Variants in PCNX2 observed in about 807,000 individuals in gnomAD.
PCNX2 encodes the protein pecanex-like protein 2.
PCNX2 carries 168 observed loss-of-function variants against 223.8 expected under a neutral mutation model. The observed-to-expected ratio is 0.75, with a 90% CI of 0.66 to 0.85. The LOEUF (loss-of-function observed/expected upper bound fraction) is 0.85. Ranked by LOEUF, PCNX2 falls within the 40% of genes least tolerant of loss-of-function variation. PCNX2 has a pLI of 0.00. For synonymous variants in PCNX2, 1,006 were observed against 1,052.6 expected (o/e 0.96, Z 0.86); for missense variants, 2,507 against 2,675.5 (o/e 0.94, Z 1.39).
At chr1:233,176,120 G>A (rs1025157584) in intron 17 of PCNX2, among the ~76,000 whole-genome samples, 1 of 152,120 alleles carries the variant, frequency 6.6e-6, no homozygotes. Flanking sequence ...AGAAAACCAG[G>A]AAAAGTGTGA....
rs1031850013 is a variant in PCNX2, at chr1:232,990,557, C to T, written c.5792-4017G>A. Among the ~76,000 whole-genome samples, 1 of 152,160 alleles carries T rather than the reference C, an allele frequency of 6.6e-6. No homozygotes were observed. Among genetic ancestry groups the T allele is most frequent in the Non-Finnish European group, 1.5e-5 (1 of 68,006 alleles). On this transcript the variant is annotated intron_variant, in intron 32 of 33. Coordinates refer to ENST00000258229, the MANE Select transcript of PCNX2 (RefSeq NM_014801.4). The surrounding 1 kb of genome is among the most constrained non-coding windows in gnomAD (Gnocchi z 4.3). ...CCCAAGGGCTTTGCACCCTCGCCCT[C>T]TAGGGAAGCTGTAGTGTAAGTGGCT... is the stretch of plus-strand genomic sequence containing the variant.
rs759496759 is a variant in PCNX2 at position 232,984,299 on chromosome 1, G to A, written c.*5C>T. ...AGCCAGCCTCCCCGCCCGGCCGCAC[G>A]CCCGTCACTGCTCGTCTGACACACT... On this transcript the variant is annotated 3_prime_UTR_variant, in exon 34 of 34. Coordinates refer to ENST00000258229, the MANE Select transcript of PCNX2 (RefSeq NM_014801.4). The A allele has an allele frequency of 3.1e-5, 49 of 1,594,354 alleles. No individual in the cohort carries two copies. The East Asian group carries it at 7.7e-4, about 25-fold the overall frequency.
intron 23 of PCNX2, among the ~76,000 whole-genome samples, chr1:233,065,067 C>G (rs1266052947): frequency 1.3e-5 from 2 of 152,126 alleles, no homozygotes; most frequent in African/African-American, 2.4e-5. Context: ...CCACAAGGAT[C>G]TTATCATGAC....
chr1:233,229,947 TTCTTGGCCTATTTTC>T (rs1258783348), intron 9 of PCNX2, among the ~76,000 whole-genome samples: 1 of 152,200 alleles, frequency 6.6e-6, no homozygotes, highest in Non-Finnish European at 1.5e-5. Flanking sequence ...ACAACAATTA[TTCTTGGCCTATTTTC>T]TGGTACCAAA....
chr1:233,037,999 T>G (rs1012641487), intron 25 of PCNX2, among the ~76,000 whole-genome samples: 1 of 152,248 alleles, frequency 6.6e-6, no homozygotes, highest in Admixed American at 6.5e-5. Flanking sequence ...AACCTGGTTA[T>G]GCAGATGTAG....
rs189695228 is a variant in PCNX2, at chr1:233,160,373, C to T, written c.3427G>A (p.Val1143Met). 132 of 1,613,190 alleles carry T rather than the reference C, an allele frequency of 8.2e-5. No homozygotes were observed. The African/African-American group carries it at 1.4e-3, about 17-fold the overall frequency. ...TGATGCTTGCGGAGCTGAGGGAGCA[C>T]GTAATGTGTTACAAACCCCACGGCT... Reference protein sequence around the residue: ...AGAVGFVTHYVLPQLRKHHPW... With the variant: ...AGAVGFVTHYMLPQLRKHHPW... The change falls in exon 19 of 34, where the codon GTG (valine) becomes ATG (methionine). Residue 1143 changes from valine (V) to methionine (M), a missense_variant. By Grantham distance (21) the Val-to-Met change is conservative (BLOSUM62 1). This residue lies in a region of PCNX2 where 1,372 missense variants were observed against 1,509.4 expected (regional missense o/e 0.91). Transcript: ENST00000258229.
intron 22 of PCNX2, among the ~76,000 whole-genome samples, chr1:233,090,928 A>G (rs544048500): frequency 3.9e-5 from 6 of 152,332 alleles, no homozygotes; most frequent in Middle Eastern, 3.4e-3. Flanking sequence ...CTTAAGCCCA[A>G]TGGATCCTTG....
At chr1:232,992,732 G>A in intron 32 of PCNX2, among the ~76,000 whole-genome samples, 1 of 152,348 alleles carries the variant, frequency 6.6e-6, no homozygotes, top group Non-Finnish European at 1.5e-5. Flanking sequence ...TAATCCCCAT[G>A]TGTTGAGGGA....
chr1:233,141,712 T>C (rs944116666), intron 19 of PCNX2, among the ~76,000 whole-genome samples: 5 of 85,864 alleles, frequency 5.8e-5, no homozygotes, highest in African/African-American at 5.5e-4. Context: ...TGTGTATATA[T>C]ATATCTGTGT....
rs760282445 is a variant in PCNX2 at position 233,201,025 on chromosome 1, CA to C, written c.2864-762del. On this transcript the variant is annotated intron_variant, in intron 13 of 33. Coordinates refer to ENST00000258229, the MANE Select transcript of PCNX2 (RefSeq NM_014801.4). ...TGGGCGACAGAGCAAGACTCCGTCT[CA>C]AAAAAAAAAAAAAAAAAAAAAAGTT... Among the ~76,000 whole-genome samples, 178 of 25,680 alleles carry C rather than the reference CA, an allele frequency of 6.9e-3. 1 individual carries two copies. Among genetic ancestry groups the C allele is most frequent in the South Asian group, 0.038 (30 of 790 alleles). 16.8% of individuals were successfully genotyped at this position (25,680 alleles called of 152,430 possible). A position where few individuals can be genotyped will look rare whatever the true frequency, so the allele number is the denominator to read the frequency against.
Position 233,033,586 on chromosome 1 carries a change from G to A in PCNX2, c.4352-8187C>T, listed in dbSNP as rs1161739662. On this transcript the variant is annotated intron_variant, in intron 25 of 33. Transcript: ENST00000258229. ...TCATAAAGAGAACATTGTGCAATAT[G>A]GTGAACAACATCCTTAATAACATTG... is the stretch of plus-strand genomic sequence containing the variant. Among the ~76,000 whole-genome samples the A allele has an allele frequency of 2.0e-5, 3 of 152,304 alleles. No individual in the cohort carries two copies. The East Asian group carries it at 5.8e-4, about 29-fold the overall frequency.
Position 233,000,658 on chromosome 1 carries a change from C to T in PCNX2, c.5098-123G>A. 2 of 752,878 alleles carry T rather than the reference C, an allele frequency of 2.7e-6. No homozygotes were observed. The highest frequency in any genetic ancestry group is 2.7e-5 in the East Asian group (1 of 37,114). The allele number at this position is 752,878 out of a possible 1,614,324, so 46.6% of individuals were successfully genotyped here. ...AAGCTCTTTCCTCATCTTCCTCTCT[C>T]CTGTTCTTTTTCCAAATCCTGAGCT... is the stretch of plus-strand genomic sequence containing the variant. On this transcript the variant is annotated intron_variant, in intron 29 of 33. Coordinates refer to ENST00000258229, the MANE Select transcript of PCNX2 (RefSeq NM_014801.4). The surrounding 1 kb of genome is among the most constrained non-coding windows in gnomAD (Gnocchi z 4.6).
chr1:233,038,262 A>T (rs1671525984), intron 25 of PCNX2, among the ~76,000 whole-genome samples: 1 of 152,348 alleles, frequency 6.6e-6, no homozygotes, highest in African/African-American at 2.4e-5. Context: ...TAAATAGATG[A>T]TAGTTATCGC....
At chr1:233,251,738 T>C (rs1184251723) in intron 7 of PCNX2, among the ~76,000 whole-genome samples, 1 of 152,190 alleles carries the variant, frequency 6.6e-6, no homozygotes, top group Non-Finnish European at 1.5e-5. Flanking sequence ...CTTTTGCGAG[T>C]AAAATAACGA....
At chr1:233,115,677 T>A (rs1445812172) in intron 21 of PCNX2, among the ~76,000 whole-genome samples, 5 of 152,194 alleles carry the variant, frequency 3.3e-5, no homozygotes, top group African/African-American at 1.2e-4. Context: ...ACATAGATGT[T>A]GGAATTATCA....
At chr1:233,169,027 TA>T (rs942792671) in intron 17 of PCNX2, among the ~76,000 whole-genome samples, 7 of 152,144 alleles carry the variant, frequency 4.6e-5, no homozygotes, top group African/African-American at 1.4e-4. Context: ...GATATATACA[TA>T]TTTGTGTACA....
chr1:233,284,500 C>T (rs999689063), intron 1 of PCNX2, among the ~76,000 whole-genome samples: 1 of 152,172 alleles, frequency 6.6e-6, no homozygotes, highest in Non-Finnish European at 1.5e-5. Context: ...TCCCTAAGTA[C>T]TAATGCCAAG....
intron 8 of PCNX2, among the ~76,000 whole-genome samples, chr1:233,237,629 A>G (rs1295313671): frequency 3.3e-5 from 5 of 152,178 alleles, no homozygotes; most frequent in African/African-American, 1.2e-4. Context: ...CAGAAAGCAA[A>G]AACTAGGACA....
chr1:233,256,189 G>T (rs1416512672), intron 5 of PCNX2, among the ~76,000 whole-genome samples: 2 of 152,054 alleles, frequency 1.3e-5, no homozygotes, highest in Non-Finnish European at 2.9e-5. Context: ...AAAAAATTAA[G>T]AAGAGCAAAA....
Sources: allele counts gnomAD v4.1 joint callset (sites outside exome capture counted in the v4.1 genomes callset), GRCh38; gene constraint gnomAD v4.1.1; regional missense constraint gnomAD v4.1.1; non-coding constraint Gnocchi (gnomAD v3.1); transcripts MANE v1.5; gene names NCBI Gene and HGNC (gene_info 2026-07-23, HGNC 2026-07-21).